Variants in RABGAP1 observed in about 807,000 individuals in gnomAD.
The protein encoded by RABGAP1 is RAB GTPase activating protein 1.
RABGAP1 carries 23 observed loss-of-function variants against 137.6 expected under a neutral mutation model. That is an observed-to-expected ratio of 0.17 (90% confidence interval 0.12 to 0.24). The LOEUF (loss-of-function observed/expected upper bound fraction) is 0.24, where lower values mean the gene tolerates loss of function less well. Ranked by LOEUF, RABGAP1 falls within the 10% of genes least tolerant of loss-of-function variation. RABGAP1 has a pLI of 1.00. For missense variants in RABGAP1, 906 were observed against 1,275.8 expected (o/e 0.71, Z 4.42); for synonymous variants, 451 against 450.7 (o/e 1.00, Z -0.01).
rs116467891 is a variant in RABGAP1, at chr9:123,013,867, A to T, written c.1550-1676A>T. Among the ~76,000 whole-genome samples, 582 of 152,330 alleles carry T rather than the reference A, an allele frequency of 3.8e-3. 3 individuals carry two copies. The highest frequency in any genetic ancestry group is 0.013 in the African/African-American group (525 of 41,576). Reference sequence around the variant, plus strand: ...TAGTCATTAGAGGTGTAAAGATCCAAACTTTGTTTAGGCAAGTTAAGCTAA... The same window carrying T: ...TAGTCATTAGAGGTGTAAAGATCCATACTTTGTTTAGGCAAGTTAAGCTAA... On this transcript the variant is annotated intron_variant, in intron 11 of 25. Transcript: ENST00000373647.
the RABGAP1 span, among the ~76,000 whole-genome samples, chr9:122,933,460 T>A: frequency 6.7e-6 from 1 of 149,580 alleles, no homozygotes; most frequent in East Asian, 1.9e-4. Flanking sequence ...ATTATTATTA[T>A]TATTATTATT....
chr9:123,012,740 G>A (rs2030916717), intron 11 of RABGAP1, among the ~76,000 whole-genome samples: 1 of 152,238 alleles, frequency 6.6e-6, no homozygotes, highest in Non-Finnish European at 1.5e-5. Flanking sequence ...CTGATATGTA[G>A]TTGGTGCTCA....
intron 2 of RABGAP1, among the ~76,000 whole-genome samples, chr9:122,964,846 A>T (rs1383002639): frequency 6.6e-6 from 1 of 152,074 alleles, no homozygotes; most frequent in Non-Finnish European, 1.5e-5. Flanking sequence ...AATTTTTTTT[A>T]ATTAGCTGAA....
chr9:123,076,346 T>C (rs968422618), intron 18 of RABGAP1, 60 bp downstream of exon 18: 7 of 1,534,116 alleles, frequency 4.6e-6, no homozygotes, highest in Non-Finnish European at 5.4e-6. Context: ...TTGCAATACA[T>C]TGGTTGTAGT....
Position 123,103,837 on chromosome 9 carries a change from A to G in RABGAP1, c.*624A>G, listed in dbSNP as rs1297666740. 4 of 151,502 alleles carry G rather than the reference A, an allele frequency of 2.6e-5. No individual in the cohort carries two copies. The highest frequency in any genetic ancestry group is 7.3e-5 in the African/African-American group (3 of 41,180). 9.4% of individuals were successfully genotyped at this position (151,502 alleles called of 1,614,324 possible). A position where few individuals can be genotyped will look rare whatever the true frequency, so the allele number is the denominator to read the frequency against. ...ATTATTCATGTTTCTGATCAATTCT[A>G]TGCAACTCTCATAGTTCCTGTTACT... On this transcript the variant is annotated 3_prime_UTR_variant, in exon 26 of 26. Transcript: ENST00000373647.
At chr9:122,997,531 A>C (rs1407683421) in intron 9 of RABGAP1, among the ~76,000 whole-genome samples, 170 bp downstream of exon 9, 1 of 152,184 alleles carries the variant, frequency 6.6e-6, no homozygotes, top group Non-Finnish European at 1.5e-5. Context: ...GCAAAGTATC[A>C]CTTTTTCCCA....
chr9:123,077,169 T>G (rs2034540095), intron 19 of RABGAP1, among the ~76,000 whole-genome samples: 1 of 150,778 alleles, frequency 6.6e-6, no homozygotes. Context: ...TTTTTGTTTT[T>G]TTTTTTTTCT....
chr9:123,021,317 A>T (rs669963), intron 13 of RABGAP1, among the ~76,000 whole-genome samples: 32,708 of 146,898 alleles, frequency 0.22, 4,853 homozygotes, highest in Non-Finnish European at 0.33. Flanking sequence ...AAACCTTATA[A>T]GGGAAGAGCA....
chr9:123,099,462 A>G lies in RABGAP1; in HGVS notation c.2818-16A>G. Reference sequence around the variant, plus strand: ...CAATTGCTCAAGAGATTGTTGTTTTATATTTGTTTCTTTAGATTTGTTCTC... The same window carrying G: ...CAATTGCTCAAGAGATTGTTGTTTTGTATTTGTTTCTTTAGATTTGTTCTC... On this transcript the variant is annotated splice_polypyrimidine_tract_variant and intron_variant, in intron 23 of 25. Coordinates refer to ENST00000373647, the MANE Select transcript of RABGAP1 (RefSeq NM_012197.4). 3.8e-6 allele frequency: 6 copies of G among 1,592,428 alleles called. No individual in the cohort carries two copies. Among genetic ancestry groups the G allele is most frequent in the Middle Eastern group, 1.7e-4 (1 of 5,902 alleles).
intron 13 of RABGAP1, among the ~76,000 whole-genome samples, chr9:123,027,453 G>A: frequency 6.6e-6 from 1 of 152,134 alleles, no homozygotes; most frequent in East Asian, 1.9e-4. Context: ...AGGAATCCCT[G>A]GAGGCCCAGC....
intron 25 of RABGAP1, 74 bp from the exon 26 acceptor site, chr9:123,103,017 C>G: frequency 1.3e-6 from 2 of 1,545,016 alleles, no homozygotes; most frequent in Non-Finnish European, 1.7e-6. Flanking sequence ...GCATTCTTGT[C>G]TTGGTTCTCC....
At chr9:123,017,391 T>C (rs931399730) in intron 12 of RABGAP1, among the ~76,000 whole-genome samples, 6 of 152,236 alleles carry the variant, frequency 3.9e-5, no homozygotes, top group Admixed American at 6.5e-5. Flanking sequence ...AGTTTCCATC[T>C]GTGTCTGCCA....
At chr9:122,988,942 CAAAAAA>C (rs56914411) in intron 4 of RABGAP1, among the ~76,000 whole-genome samples, 69 of 57,072 alleles carry the variant, frequency 1.2e-3, no homozygotes, top group African/African-American at 3.7e-3. Context: ...AAACTTGTCT[CAAAAAA>C]AAAAAAAAAA....
chr9:123,058,052 G>T (rs968446664), intron 13 of RABGAP1, among the ~76,000 whole-genome samples: 1 of 151,228 alleles, frequency 6.6e-6, no homozygotes, highest in African/African-American at 2.4e-5. Context: ...GGAAAGAGAG[G>T]GGAGAGGGGG....
intron 2 of RABGAP1, among the ~76,000 whole-genome samples, 191 bp from the exon 3 acceptor site, chr9:122,984,294 A>G (rs1057406635): frequency 5.9e-5 from 9 of 152,106 alleles, no homozygotes; most frequent in Non-Finnish European, 1.3e-4. Context: ...ATGAAAAACT[A>G]TGTAATTGAG....
intron 2 of RABGAP1, among the ~76,000 whole-genome samples, chr9:122,980,874 G>A (rs1588207851): frequency 6.6e-6 from 1 of 152,268 alleles, no homozygotes; most frequent in East Asian, 1.9e-4. Flanking sequence ...GTGGAGTCAA[G>A]GGATTTGCAT....
intron 15 of RABGAP1, among the ~76,000 whole-genome samples, chr9:123,071,797 G>A (rs560745606): frequency 6.6e-6 from 1 of 152,290 alleles, no homozygotes; most frequent in Non-Finnish European, 1.5e-5. Context: ...TATTTGAAAA[G>A]GGAGTAGAGA....
rs200005232 is a variant in RABGAP1, at chr9:122,984,990, T to C, written c.385+271T>C. 0.026 allele frequency among the ~76,000 whole-genome samples: 200 copies of C among 7,628 alleles called. 3 individuals carry two copies. The East Asian group carries it at 0.44, about 17-fold the overall frequency. 5.0% of individuals were successfully genotyped at this position (7,628 alleles called of 152,430 possible). On this transcript the variant is annotated intron_variant, in intron 3 of 25. Transcript: ENST00000373647. Reference sequence around the variant, plus strand: ...GACACAGAGGGAGTCTTTTTTTTTTTCCCCCCAGGAATGCTTAAAGATTTT... The same window carrying C: ...GACACAGAGGGAGTCTTTTTTTTTTCCCCCCCAGGAATGCTTAAAGATTTT...
intron 13 of RABGAP1, among the ~76,000 whole-genome samples, chr9:123,040,611 G>T (rs974329425): frequency 6.6e-6 from 1 of 151,904 alleles, no homozygotes; most frequent in African/African-American, 2.4e-5. Flanking sequence ...TCTCTTTAAG[G>T]TGCTTTTTAT....
Sources: allele counts gnomAD v4.1 joint callset (sites outside exome capture counted in the v4.1 genomes callset), GRCh38; gene constraint gnomAD v4.1.1; transcripts MANE v1.5; gene names NCBI Gene and HGNC (gene_info 2026-07-23, HGNC 2026-07-21).